Variants in VPS13B observed in about 807,000 individuals in gnomAD.
The protein encoded by VPS13B is intermembrane lipid transfer protein VPS13B.
A neutral mutation model predicts 426.4 loss-of-function variants in VPS13B; 285 were observed. The ratio of observed to expected loss-of-function variants is 0.67; its 90% confidence interval spans 0.61 to 0.74. The LOEUF (loss-of-function observed/expected upper bound fraction) is 0.74, where lower values mean the gene tolerates loss of function less well. Ranked by LOEUF, VPS13B falls within the 30% of genes least tolerant of loss-of-function variation. VPS13B has a pLI of 0.00. For missense variants in VPS13B, 4,537 were observed against 4,782.6 expected (o/e 0.95, Z 1.51); for synonymous variants, 1,676 against 1,676.4 (o/e 1.00, Z 0.01).
At chr8:99,472,196 A>G (rs1471930005) in intron 24 of VPS13B, among the ~76,000 whole-genome samples, 2 of 152,090 alleles carry the variant, frequency 1.3e-5, no homozygotes, top group Non-Finnish European at 2.9e-5. Context: ...TGGATAAAAC[A>G]ACTGGATTAA....
chr8:99,584,486 T>A (rs559775402), intron 33 of VPS13B, among the ~76,000 whole-genome samples: 14 of 152,334 alleles, frequency 9.2e-5, no homozygotes, highest in African/African-American at 2.6e-4. Flanking sequence ...GCATTGTTCA[T>A]TGAGAGCTTA....
chr8:99,172,069 C>T (rs1186409667), intron 16 of VPS13B, among the ~76,000 whole-genome samples: 1 of 152,068 alleles, frequency 6.6e-6, no homozygotes, highest in Non-Finnish European at 1.5e-5. Context: ...TTAGACTTGT[C>T]CATGAGCAAT....
intron 21 of VPS13B, among the ~76,000 whole-genome samples, chr8:99,416,347 G>A (rs1194133805): frequency 6.6e-6 from 1 of 152,188 alleles, no homozygotes; most frequent in Non-Finnish European, 1.5e-5. Flanking sequence ...ATCTTAGCTT[G>A]CTGGGCTCCG....
intron 19 of VPS13B, among the ~76,000 whole-genome samples, chr8:99,277,043 T>C (rs1222070991): frequency 2.6e-5 from 4 of 152,120 alleles, no homozygotes; most frequent in Admixed American, 2.0e-4. Context: ...ATTTTATTTT[T>C]GTTTTTAACT....
At chr8:99,829,076 T>C (rs59679298) in intron 51 of VPS13B, among the ~76,000 whole-genome samples, 5,149 of 152,228 alleles carry the variant, frequency 0.034, 268 homozygotes, top group African/African-American at 0.12. Context: ...CGATTAAGTG[T>C]CTTGGGGTTG....
chr8:99,536,956 A>G, intron 30 of VPS13B: 1 of 384,642 alleles, frequency 2.6e-6, no homozygotes, highest in Non-Finnish European at 5.1e-6. Context: ...TAGAACTTAT[A>G]TTAATGAGAT....
intron 17 of VPS13B, among the ~76,000 whole-genome samples, chr8:99,254,154 C>T (rs1416314471): frequency 6.6e-6 from 1 of 152,084 alleles, no homozygotes; most frequent in Non-Finnish European, 1.5e-5. Flanking sequence ...TCCTGATATC[C>T]CAAAAATCCT....
Position 99,721,022 on chromosome 8 carries a change from C to T in VPS13B, c.7025C>T (p.Thr2342Ile), listed in dbSNP as rs1833108203. The T allele has an allele frequency of 1.2e-6, 2 of 1,613,866 alleles. No individual in the cohort carries two copies. The highest frequency in any genetic ancestry group is 1.7e-6 in the Non-Finnish European group (2 of 1,179,938). The change falls in exon 39 of 62, where the codon ACA becomes ATA. Residue 2342 changes from threonine to isoleucine, a missense_variant. Transcript: ENST00000357162. ...FNTTEDPDIS[T>I]ADLGDVLQVP... Reference sequence around the variant, plus strand: ...ACCACAGAGGATCCAGATATTAGCACAGCAGACCTTGGTGATGTGCTACAG... The same window carrying T: ...ACCACAGAGGATCCAGATATTAGCATAGCAGACCTTGGTGATGTGCTACAG...
chr8:99,505,846 C>T (rs1821473185), intron 27 of VPS13B, among the ~76,000 whole-genome samples: 1 of 152,044 alleles, frequency 6.6e-6, no homozygotes, highest in Non-Finnish European at 1.5e-5. Flanking sequence ...CGAGGTATGC[C>T]TGTACTTATT....
intron 19 of VPS13B, among the ~76,000 whole-genome samples, chr8:99,363,290 G>A (rs1812670208): frequency 6.6e-6 from 1 of 152,100 alleles, no homozygotes; most frequent in African/African-American, 2.4e-5. Context: ...ATGTGTTCTT[G>A]GCACCGTTGT....
chr8:99,594,831 T>C (rs1826911462), intron 33 of VPS13B, among the ~76,000 whole-genome samples: 2 of 151,952 alleles, frequency 1.3e-5, no homozygotes, highest in Admixed American at 1.3e-4. Context: ...TCCCACTGCT[T>C]TGCTCTGCTC....
intron 17 of VPS13B, chr8:99,209,641 A>G: frequency 3.4e-6 from 2 of 585,168 alleles, no homozygotes; most frequent in Non-Finnish European, 4.6e-6. Context: ...TCCTGGCCTC[A>G]AATGATCCTC....
intron 3 of VPS13B, among the ~76,000 whole-genome samples, chr8:99,064,755 G>T (rs1844382531): frequency 1.3e-5 from 2 of 152,124 alleles, no homozygotes; most frequent in African/African-American, 4.8e-5. Flanking sequence ...GAAATATAGA[G>T]AACACCACAA....
intron 35 of VPS13B, among the ~76,000 whole-genome samples, chr8:99,671,115 A>T (rs992756693): frequency 5.3e-5 from 8 of 152,022 alleles, no homozygotes; most frequent in Non-Finnish European, 1.0e-4. Context: ...ATGTGCAAGG[A>T]TTTCCTTTTC....
Position 99,861,851 on chromosome 8 carries a change from A to G in VPS13B, c.11120A>G (p.His3707Arg), listed in dbSNP as rs1288258767. ...NMDRLSLDEE[H>R]YNRQEEWRRQ... ...GACCGGCTCTCACTGGATGAGGAGCACTACAACCGGCAGGAGGAGTGGCGG... is the reference window on the plus strand; with the variant it reads ...GACCGGCTCTCACTGGATGAGGAGCGCTACAACCGGCAGGAGGAGTGGCGG... The change falls in exon 58 of 62, where the codon CAC becomes CGC. Residue 3707 changes from histidine (H) to arginine (R), a missense_variant. Around this residue, in one of 2 missense-constraint regions of VPS13B, gnomAD observed 4,311 missense variants for 4,474.3 expected, o/e 0.96. Transcript: ENST00000357162. 1 of 1,601,612 alleles carries G rather than the reference A, an allele frequency of 6.2e-7. No homozygotes were observed. The highest frequency in any genetic ancestry group is 8.5e-7 in the Non-Finnish European group (1 of 1,174,634).
chr8:99,674,150 T>C (rs374703650), intron 35 of VPS13B, among the ~76,000 whole-genome samples: 38 of 152,074 alleles, frequency 2.5e-4, no homozygotes, highest in African/African-American at 8.2e-4. Context: ...TTTAATTTTC[T>C]GTCTGGATGG....
At chr8:99,569,837 C>G (rs556684767) in intron 31 of VPS13B, among the ~76,000 whole-genome samples, 2 of 152,194 alleles carry the variant, frequency 1.3e-5, no homozygotes, top group South Asian at 2.1e-4. Context: ...CAGCTTTTGC[C>G]AACTCACATG....
At chr8:99,358,004 A>T (rs1056001594) in intron 19 of VPS13B, among the ~76,000 whole-genome samples, 3 of 122,490 alleles carry the variant, frequency 2.4e-5, no homozygotes, top group Non-Finnish European at 5.0e-5. Context: ...ATTAAATATC[A>T]CACACACACA....
At chr8:99,469,403 T>C (rs775118904) in intron 24 of VPS13B, among the ~76,000 whole-genome samples, 113 of 152,046 alleles carry the variant, frequency 7.4e-4, no homozygotes, top group Non-Finnish European at 1.3e-3. Flanking sequence ...CTTGAACTCC[T>C]GGCTTCAAGC....
Sources: allele counts gnomAD v4.1 joint callset (sites outside exome capture counted in the v4.1 genomes callset), GRCh38; gene constraint gnomAD v4.1.1; regional missense constraint gnomAD v4.1.1; transcripts MANE v1.5; gene names NCBI Gene and HGNC (gene_info 2026-07-23, HGNC 2026-07-21).